CGNL1: variants seen among roughly 807,000 people sequenced by gnomAD.
The protein encoded by CGNL1 is cingulin-like protein 1.
Under a neutral mutation model 141.2 loss-of-function variants are expected in CGNL1, and 132 were observed. The observed-to-expected ratio is 0.93, with a 90% CI of 0.81 to 1.08. The LOEUF (loss-of-function observed/expected upper bound fraction) is 1.08, where lower values mean the gene tolerates loss of function less well. Among genes scored for constraint, CGNL1 ranks in the 50% least tolerant of loss-of-function variants. CGNL1 has a pLI of 0.00. For missense variants in CGNL1, 1,870 were observed against 1,588.6 expected, an observed-to-expected ratio of 1.18 and a Z score of -3.01; for synonymous variants, 690 against 622.1, an observed-to-expected ratio of 1.11 and a Z score of -1.63.
intron 8 of CGNL1, among the ~76,000 whole-genome samples, chr15:57,466,449 T>C (rs2063512383): frequency 6.6e-6 from 1 of 152,176 alleles, no homozygotes; most frequent in African/African-American, 2.4e-5. Flanking sequence ...CAGTATAGTT[T>C]CTTGAAGTTT....
chr15:57,530,754 G>C (rs756571801), intron 13 of CGNL1, among the ~76,000 whole-genome samples: 18 of 152,142 alleles, frequency 1.2e-4, no homozygotes, highest in Non-Finnish European at 2.4e-4. Flanking sequence ...TTCACAGACA[G>C]TCACTCACTC....
At chr15:57,473,609 T>A (rs2063610461) in intron 8 of CGNL1, among the ~76,000 whole-genome samples, 1 of 152,148 alleles carries the variant, frequency 6.6e-6, no homozygotes, top group Admixed American at 6.5e-5. Context: ...TGCTTGATCA[T>A]AAAGGACATG....
intron 8 of CGNL1, among the ~76,000 whole-genome samples, chr15:57,472,054 G>C (rs138100441): frequency 3.9e-5 from 6 of 152,072 alleles, no homozygotes; most frequent in African/African-American, 1.4e-4. Context: ...TTGGGTAAGA[G>C]AGCAAGACCC....
At chr15:57,423,198 G>T (rs2062935479) in intron 1 of CGNL1, among the ~76,000 whole-genome samples, 1 of 152,108 alleles carries the variant, frequency 6.6e-6, no homozygotes, top group Non-Finnish European at 1.5e-5. Context: ...ACCCTTAGGG[G>T]CTCAGCTGAA....
At chr15:57,414,933 A>T (rs555251651) in intron 1 of CGNL1, among the ~76,000 whole-genome samples, 30 of 152,304 alleles carry the variant, frequency 2.0e-4, no homozygotes, top group African/African-American at 7.0e-4. Flanking sequence ...GGTGAGAGAG[A>T]ATGGGCATAA....
rs1430552993 is a variant in CGNL1, at chr15:57,438,074, T to C, written c.75T>C (p.Asp25=). The C allele has an allele frequency of 2.5e-6, 4 of 1,614,080 alleles. No individual in the cohort carries two copies. Among genetic ancestry groups the C allele is most frequent in the Non-Finnish European group, 3.4e-6 (4 of 1,179,968 alleles). ...TCCATCTGAGACTCGCAAGTGATGA[T>C]ACCCAAAAATCAAGGAGTTCCCAGA... The part of the protein sequence containing the change: ...YGVHLRLASD[D]TQKSRSSQNS... The change falls in exon 2 of 19, where the codon GAT becomes GAC. Residue 25 remains aspartate, a synonymous_variant. Coordinates refer to ENST00000281282, the MANE Select transcript of CGNL1 (RefSeq NM_032866.5).
intron 9 of CGNL1, among the ~76,000 whole-genome samples, chr15:57,518,189 C>A (rs1595788892): frequency 6.6e-6 from 1 of 152,204 alleles, no homozygotes; most frequent in East Asian, 1.9e-4. Context: ...GATGTTCACA[C>A]CTGCCTGAGA....
intron 4 of CGNL1, among the ~76,000 whole-genome samples, chr15:57,444,647 A>C (rs1219106212): frequency 2.0e-5 from 3 of 152,204 alleles, no homozygotes; most frequent in Non-Finnish European, 4.4e-5. Flanking sequence ...AAGAGATCAT[A>C]GAATTATTTG....
chr15:57,543,907 C>A, intron 15 of CGNL1, 128 bp downstream of exon 15: 1 of 640,144 alleles, frequency 1.6e-6, no homozygotes, highest in Non-Finnish European at 2.7e-6. Context: ...TGGGGGGTAA[C>A]AGTCCTTTTC....
intron 12 of CGNL1, among the ~76,000 whole-genome samples, chr15:57,525,831 C>T (rs1183069376): frequency 1.3e-5 from 2 of 151,750 alleles, no homozygotes; most frequent in Non-Finnish European, 2.9e-5. Flanking sequence ...TTATGTGATA[C>T]AGGACTCCAA....
intron 12 of CGNL1, chr15:57,527,777 T>C (rs1435114329): frequency 6.6e-6 from 1 of 152,244 alleles, no homozygotes; most frequent in Non-Finnish European, 1.5e-5. Flanking sequence ...AATGTGCCTG[T>C]GTATGTTGTT....
intron 8 of CGNL1, among the ~76,000 whole-genome samples, chr15:57,466,729 C>T (rs1320901414): frequency 6.6e-6 from 1 of 152,110 alleles, no homozygotes; most frequent in Admixed American, 6.5e-5. Flanking sequence ...TGAAGACCAA[C>T]CATTAGACTG....
rs774178105 is a variant in CGNL1, at chr15:57,439,099, A to G, written c.1100A>G (p.Gln367Arg). ...AAATTTGATCAAAAACCTGGGCTTC[A>G]GAGAAGAGGAAGGTCTGGGAAGCGA... ...IEKFDQKPGL[Q>R]RRGRSGKRNR... is the part of the protein sequence containing the mutation. Residue 367 changes from glutamine (Q) to arginine (R), a missense_variant, in exon 2 of 19, where the codon CAG (glutamine) becomes CGG (arginine). Physicochemically the swap from Gln to Arg is conservative, Grantham distance 43 (BLOSUM62 1). Transcript: ENST00000281282. 10 of 1,614,232 alleles carry G rather than the reference A, an allele frequency of 6.2e-6. No individual in the cohort carries two copies. In the Admixed American group the frequency reaches 1.2e-4, roughly 19 times the overall value.
intron 13 of CGNL1, among the ~76,000 whole-genome samples, chr15:57,531,087 A>G (rs961542950): frequency 1.3e-5 from 2 of 152,228 alleles, no homozygotes; most frequent in Non-Finnish European, 2.9e-5. Context: ...TGAACACTCA[A>G]TTAGGTTAGA....
chr15:57,440,230 G>A (rs2063169193), intron 2 of CGNL1, 147 bp from the exon 3 acceptor site: 2 of 623,116 alleles, frequency 3.2e-6, no homozygotes, highest in Admixed American at 2.8e-5. Flanking sequence ...TTGAGGCGAG[G>A]AGAAGTTAAG....
intron 9 of CGNL1, among the ~76,000 whole-genome samples, chr15:57,517,945 T>C (rs1035078620): frequency 6.6e-6 from 1 of 151,680 alleles, no homozygotes; most frequent in African/African-American, 2.4e-5. Flanking sequence ...TGGGGGTCCA[T>C]TCAATACCTA....
intron 13 of CGNL1, among the ~76,000 whole-genome samples, chr15:57,530,785 A>G (rs2031908602): frequency 6.6e-6 from 1 of 152,164 alleles, no homozygotes; most frequent in Admixed American, 6.5e-5. Context: ...TGGGTGTTTT[A>G]TTGTGATAAA....
intron 8 of CGNL1, among the ~76,000 whole-genome samples, chr15:57,467,629 G>T (rs1257526961): frequency 6.7e-6 from 1 of 149,116 alleles, no homozygotes; most frequent in Admixed American, 6.7e-5. Flanking sequence ...ATGATATTAA[G>T]AAACTAAACA....
chr15:57,451,663 T>C (rs2063323762), intron 5 of CGNL1, 62 bp downstream of exon 5: 2 of 1,250,402 alleles, frequency 1.6e-6, no homozygotes, highest in Non-Finnish European at 2.3e-6. Flanking sequence ...AAGAATATTT[T>C]ACATGCATTG....
Sources: allele counts gnomAD v4.1 joint callset (sites outside exome capture counted in the v4.1 genomes callset), GRCh38; gene constraint gnomAD v4.1.1; transcripts MANE v1.5; gene names NCBI Gene and HGNC (gene_info 2026-07-23, HGNC 2026-07-21).